The following FTO variants were observed in gnomAD, a reference collection of about 807,000 sequenced individuals.
FTO encodes FTO alpha-ketoglutarate dependent dioxygenase, also known as alpha-ketoglutarate-dependent dioxygenase FTO.
Under a neutral mutation model 63.9 loss-of-function variants are expected in FTO, and 47 were observed. The observed-to-expected ratio is 0.74, with a 90% CI of 0.58 to 0.94. FTO has a LOEUF of 0.94. FTO is among the 40% of genes least tolerant of loss of function. The pLI is 0.00. For missense variants in FTO, 562 were observed against 618.1 expected, an observed-to-expected ratio of 0.91 and a Z score of 0.96; for synonymous variants, 207 against 224.4, an observed-to-expected ratio of 0.92 and a Z score of 0.69.
chr16:53,740,161 C>T (rs1485696635), intron 1 of FTO, among the ~76,000 whole-genome samples: 3 of 152,180 alleles, frequency 2.0e-5, no homozygotes, highest in African/African-American at 4.8e-5. Flanking sequence ...AGCACCAGAA[C>T]TTGTGTTTTC....
intron 8 of FTO, among the ~76,000 whole-genome samples, chr16:54,093,882 A>AG (rs1206225625): frequency 1.3e-5 from 2 of 152,184 alleles, no homozygotes; most frequent in Admixed American, 1.3e-4. Context: ...TCCCAGAGCC[A>AG]GGGGGCTTTG....
At chr16:53,895,979 G>A (rs1480063331) in intron 7 of FTO, among the ~76,000 whole-genome samples, 4 of 151,960 alleles carry the variant, frequency 2.6e-5, no homozygotes, top group Non-Finnish European at 5.9e-5. Context: ...GACAACCTTC[G>A]TTAAATATAC....
chr16:54,016,309 A>C (rs1302909207), intron 8 of FTO, among the ~76,000 whole-genome samples: 21 of 150,378 alleles, frequency 1.4e-4, no homozygotes, highest in Middle Eastern at 3.4e-3. Flanking sequence ...AAAAAAAAAA[A>C]AAAAAACTGG....
chr16:54,032,898 C>T (rs563864694), intron 8 of FTO, among the ~76,000 whole-genome samples: 3 of 151,920 alleles, frequency 2.0e-5, no homozygotes, highest in South Asian at 2.1e-4. Flanking sequence ...TGTGGCATCT[C>T]CCTCCCCTCC....
In FTO at chr16:53,998,104, T is replaced by C. The variant is rs527831195; in HGVS notation, c.1364+63995T>C. On this transcript the variant is annotated intron_variant, in intron 8 of 8. Coordinates refer to ENST00000471389, the MANE Select transcript of FTO (RefSeq NM_001080432.3). ...GAAAGGCTTGATGTAGACCGCTCTT[T>C]CAGAAAACTTGACCGAGAAGGGAAG... Among the ~76,000 whole-genome samples the C allele has an allele frequency of 4.6e-5, 7 of 152,258 alleles. No homozygotes were observed. In the South Asian group the frequency reaches 1.5e-3, roughly 32 times the overall value.
intron 8 of FTO, among the ~76,000 whole-genome samples, chr16:53,960,883 A>G (rs2083062749): frequency 6.6e-6 from 1 of 152,124 alleles, no homozygotes; most frequent in Non-Finnish European, 1.5e-5. Flanking sequence ...AAAAAAATCT[A>G]TGGGTGGCAT....
intron 2 of FTO, among the ~76,000 whole-genome samples, chr16:53,823,639 A>G (rs2078926055): frequency 1.3e-5 from 2 of 152,074 alleles, no homozygotes; most frequent in Admixed American, 6.5e-5. Context: ...AGAATAGTAA[A>G]TTGTTTATTT....
chr16:53,878,323 T>C (rs1177106745), intron 5 of FTO, among the ~76,000 whole-genome samples: 2 of 152,072 alleles, frequency 1.3e-5, no homozygotes, highest in Non-Finnish European at 2.9e-5. Flanking sequence ...AGTGTTGTTG[T>C]AGAGGTTGCT....
intron 7 of FTO, among the ~76,000 whole-genome samples, chr16:53,908,814 G>GGTGT (rs2081606457): frequency 6.6e-6 from 1 of 152,198 alleles, no homozygotes; most frequent in African/African-American, 2.4e-5. Flanking sequence ...TCTTCATGCT[G>GGTGT]ACTGAGTTGG....
intron 4 of FTO, among the ~76,000 whole-genome samples, chr16:53,850,785 A>G (rs1261352575): frequency 6.6e-6 from 1 of 152,040 alleles, no homozygotes; most frequent in Non-Finnish European, 1.5e-5. Context: ...TTGATTGCTA[A>G]TGGGTACAGG....
At chr16:53,775,577 C>G (rs1370429599) in intron 1 of FTO, among the ~76,000 whole-genome samples, 1 of 152,162 alleles carries the variant, frequency 6.6e-6, no homozygotes, top group Non-Finnish European at 1.5e-5. Flanking sequence ...TGAGGCTCCT[C>G]ATTACATGCA....
chr16:54,024,700 A>T (rs1024622191), intron 8 of FTO, among the ~76,000 whole-genome samples: 4 of 152,198 alleles, frequency 2.6e-5, no homozygotes, highest in Non-Finnish European at 5.9e-5. Context: ...GAATAATAGC[A>T]ATGCTTAACT....
At chr16:53,755,791 T>G (rs1252947467) in intron 1 of FTO, among the ~76,000 whole-genome samples, 18 of 152,182 alleles carry the variant, frequency 1.2e-4, no homozygotes, top group Non-Finnish European at 1.8e-4. Context: ...CTTTGCCCTT[T>G]GCTTCTTAGG....
At chr16:53,729,654 GC>G (rs1292994150) in intron 1 of FTO, among the ~76,000 whole-genome samples, 1 of 151,442 alleles carries the variant, frequency 6.6e-6, no homozygotes, top group African/African-American at 2.4e-5. Context: ...TGGTAACCAC[GC>G]CCCCAACCCC....
At chr16:53,793,730 CA>C (rs2077987323) in intron 1 of FTO, among the ~76,000 whole-genome samples, 1 of 150,894 alleles carries the variant, frequency 6.6e-6, no homozygotes, top group African/African-American at 2.4e-5. Flanking sequence ...GACTCCGTCT[CA>C]AAACAAACAA....
intron 8 of FTO, among the ~76,000 whole-genome samples, chr16:54,108,210 G>C (rs1393815522): frequency 6.6e-6 from 1 of 152,160 alleles, no homozygotes; most frequent in Non-Finnish European, 1.5e-5. Context: ...TATTTTGCAA[G>C]AGACTATGTA....
At chr16:53,896,045 G>GA (rs368593719) in intron 7 of FTO, among the ~76,000 whole-genome samples, 1 of 151,598 alleles carries the variant, frequency 6.6e-6, no homozygotes, top group African/African-American at 2.4e-5. Flanking sequence ...TATATGTAAA[G>GA]AAAAAAAAGA....
intron 1 of FTO, among the ~76,000 whole-genome samples, chr16:53,801,087 A>C (rs2078206838): frequency 6.6e-6 from 1 of 152,046 alleles, no homozygotes; most frequent in Non-Finnish European, 1.5e-5. Context: ...TATTTAGATC[A>C]TTTACAGTTA....
chr16:54,100,796 G>C (rs2086623948), intron 8 of FTO, among the ~76,000 whole-genome samples: 1 of 152,138 alleles, frequency 6.6e-6, no homozygotes, highest in South Asian at 2.1e-4. Flanking sequence ...AAACCTACAG[G>C]GGCGGTTTTG....
Sources: allele counts gnomAD v4.1 joint callset (sites outside exome capture counted in the v4.1 genomes callset), GRCh38; gene constraint gnomAD v4.1.1; transcripts MANE v1.5; gene names NCBI Gene and HGNC (gene_info 2026-07-23, HGNC 2026-07-21).